The following TKT variants were observed in gnomAD, a reference collection of about 807,000 sequenced individuals.
The protein encoded by TKT is transketolase.
In TKT, 47 loss-of-function variants were observed where a neutral mutation model predicts 63.9. The observed-to-expected ratio is 0.74, with a 90% confidence interval of 0.58 to 0.94. TKT has a LOEUF of 0.94. TKT is among the 40% of genes least tolerant of loss of function. The probability of loss-of-function intolerance (pLI) is 0.00; values close to 1 mark genes in which losing one functional copy is unlikely to be tolerated. For synonymous variants in TKT, 338 were observed against 334.1 expected, an observed-to-expected ratio of 1.01 and a Z score of -0.13; for missense variants, 721 against 846.2, an observed-to-expected ratio of 0.85 and a Z score of 1.84.
At chr3:53,236,508 C>T (rs1387754696) in intron 4 of TKT, among the ~76,000 whole-genome samples, 1 of 152,212 alleles carries the variant, frequency 6.6e-6, no homozygotes, top group Admixed American at 6.5e-5. Context: ...AGGCCCTATC[C>T]TGTCCCAGCC....
chr3:53,255,815 C>G, intron 1 of TKT, 21 bp downstream of exon 1: 2 of 1,461,068 alleles, frequency 1.4e-6, no homozygotes, highest in Non-Finnish European at 1.8e-6. Flanking sequence ...GCCGCGTCCC[C>G]GGCCGGCGCC....
rs1553676314 is a variant in TKT at position 53,229,148 on chromosome 3, G to T, written c.1265-11C>A. ...AGGGCCCGTCTTCCCCTGGGGTGTG[G>T]GGGAAAGGATATGCAGAAATAAGAC... On this transcript the variant is annotated splice_polypyrimidine_tract_variant and intron_variant, in intron 9 of 13. Coordinates refer to ENST00000462138, the MANE Select transcript of TKT (RefSeq NM_001064.4). 1 of 1,614,074 alleles carries T rather than the reference G, an allele frequency of 6.2e-7. No individual in the cohort carries two copies.
At chr3:53,227,227 T>G (rs545091552) in intron 12 of TKT, 2 of 203,880 alleles carry the variant, frequency 9.8e-6, no homozygotes, top group South Asian at 1.6e-4. Flanking sequence ...AAGGTGAGGC[T>G]TGATGTGGTG....
rs1169443486 is a variant in TKT, at chr3:53,225,197, G to GTCTC, written c.*555_*558dup. 2 of 152,288 alleles carry GTCTC rather than the reference G, an allele frequency of 1.3e-5. No homozygotes were observed. The highest frequency in any genetic ancestry group is 2.9e-5 in the Non-Finnish European group (2 of 68,094). The allele number at this position is 152,288 out of a possible 1,614,324, so 9.4% of individuals were successfully genotyped here. A position where few individuals can be genotyped will look rare whatever the true frequency, so the allele number is the denominator to read the frequency against. ...TTTCCCCCAGGACGAAGGCTGCCCT[G>GTCTC]TCTCTGCTTCTCTGAGATGCCTAGT... On this transcript the variant is annotated 3_prime_UTR_variant, in exon 14 of 14. Coordinates refer to ENST00000462138, the MANE Select transcript of TKT (RefSeq NM_001064.4).
chr3:53,228,651 C>A, intron 10 of TKT: 1 of 504,012 alleles, frequency 2.0e-6, no homozygotes, highest in South Asian at 2.0e-5. Context: ...AGGAACCACG[C>A]GCACTGGGTC....
At position 53,228,263 on chromosome 3, in the gene TKT, G is replaced by A; in HGVS notation, c.1479+13C>T. On this transcript the variant is annotated intron_variant, in intron 11 of 13. Transcript: ENST00000462138. The stretch of plus-strand genomic sequence containing the variant: ...GCAGCTCTGTGGGCTCCTGGGGCAT[G>A]CGAGGCACTGACCTTGGCTTGTCCG... 6.2e-7 allele frequency: 1 copy of A among 1,614,182 alleles called. No homozygotes were observed.
At chr3:53,241,355 A>G in intron 2 of TKT, 110 bp from the exon 3 acceptor site, 1 of 886,346 alleles carries the variant, frequency 1.1e-6, no homozygotes, top group Non-Finnish European at 1.7e-6. Flanking sequence ...CAACTGCAGC[A>G]TCCATTTCAG....
intron 1 of TKT, among the ~76,000 whole-genome samples, chr3:53,249,225 C>A (rs566273661): frequency 6.6e-6 from 1 of 151,708 alleles, no homozygotes; most frequent in African/African-American, 2.4e-5. Context: ...CCACCTTGGC[C>A]TCCCAAAGTG....
intron 13 of TKT, 88 bp from the exon 14 acceptor site, chr3:53,226,019 G>T: frequency 7.4e-7 from 1 of 1,343,826 alleles, no homozygotes; most frequent in Non-Finnish European, 1.0e-6. Flanking sequence ...GTCAAGGATG[G>T]AGGAGGCTGC....
intron 13 of TKT, 165 bp from the exon 14 acceptor site, chr3:53,226,096 T>G: frequency 1.7e-6 from 1 of 600,552 alleles, no homozygotes; most frequent in Non-Finnish European, 2.7e-6. Flanking sequence ...TTTTTTATTT[T>G]AAAGAGACAG....
intron 10 of TKT, 56 bp downstream of exon 10, chr3:53,228,948 TCTG>T: frequency 6.2e-7 from 1 of 1,603,632 alleles, no homozygotes; most frequent in Admixed American, 1.7e-5. Context: ...GGCCTCCTCT[TCTG>T]TTTCCCTTGG....
chr3:53,247,146 C>G (rs1394524196), intron 1 of TKT, among the ~76,000 whole-genome samples: 2 of 151,716 alleles, frequency 1.3e-5, no homozygotes, highest in East Asian at 3.9e-4. Context: ...CACCTGAGGT[C>G]AGGAGTCTGA....
At chr3:53,244,288 T>C (rs1376763993) in intron 1 of TKT, among the ~76,000 whole-genome samples, 1 of 152,150 alleles carries the variant, frequency 6.6e-6, no homozygotes, top group East Asian at 1.9e-4. Flanking sequence ...CTTTTGGGGC[T>C]CTCCCTCGGC....
chr3:53,226,625 T>TGCTCTGAGGGACA, intron 13 of TKT, 131 bp downstream of exon 13: 1 of 1,352,752 alleles, frequency 7.4e-7, no homozygotes, highest in Non-Finnish European at 1.0e-6. Context: ...ACGTCCCAGC[T>TGCTCTGAGGGACA]GCTCTGAGGG....
chr3:53,225,572 G>T lies in TKT; in HGVS notation c.*184C>A. The stretch of plus-strand genomic sequence containing the variant: ...AGGACCAAGGACACCAGCCTCCCTA[G>T]CGCACCCTCCACGCTTCTTCCCCAG... On this transcript the variant is annotated 3_prime_UTR_variant, in exon 14 of 14. Transcript: ENST00000462138. The T allele has an allele frequency of 1.5e-6, 1 of 663,444 alleles. No individual in the cohort carries two copies. The highest frequency in any genetic ancestry group is 2.3e-6 in the Non-Finnish European group (1 of 428,346). 41.1% of individuals were successfully genotyped at this position (663,444 alleles called of 1,614,324 possible).
At chr3:53,228,189 G>A in intron 11 of TKT, 40 bp from the exon 12 acceptor site, 1 of 1,613,092 alleles carries the variant, frequency 6.2e-7, no homozygotes, top group African/African-American at 1.3e-5. Flanking sequence ...TCAGGGCCCT[G>A]GGGCAGGGTG....
chr3:53,242,453 G>T (rs1029700610), intron 1 of TKT, among the ~76,000 whole-genome samples: 3 of 152,162 alleles, frequency 2.0e-5, no homozygotes, highest in African/African-American at 7.2e-5. Context: ...CCAGCTAGTG[G>T]GTGCTGGGGA....
rs1330944723 is a variant in TKT at position 53,252,286 on chromosome 3, G to C, written c.107+3550C>G. Reference sequence around the variant, plus strand: ...TCACTCTATGCCTCATTGCAGAGAGGGAACAGTGGGCCTCAAGATAAACAT... The same window carrying C: ...TCACTCTATGCCTCATTGCAGAGAGCGAACAGTGGGCCTCAAGATAAACAT... On this transcript the variant is annotated intron_variant, in intron 1 of 13. Transcript: ENST00000462138. Among the ~76,000 whole-genome samples the C allele has an allele frequency of 7.9e-5, 12 of 152,322 alleles. No homozygotes were observed. In the East Asian group the frequency reaches 2.1e-3, roughly 27 times the overall value.
intron 1 of TKT, among the ~76,000 whole-genome samples, chr3:53,255,357 T>C (rs1396447777): frequency 6.6e-6 from 1 of 152,038 alleles, no homozygotes; most frequent in Non-Finnish European, 1.5e-5. Flanking sequence ...GTGTGTAACT[T>C]TGGGTAGCTG....
Sources: gnomAD v4.1 joint callset for allele counts (sites outside exome capture counted in the v4.1 genomes callset) on GRCh38, gnomAD v4.1.1 for gene constraint, MANE v1.5 for transcripts, NCBI Gene and HGNC (gene_info 2026-07-23, HGNC 2026-07-21) for gene names.